The following HELZ variants were observed in gnomAD, a reference collection of about 807,000 sequenced individuals.
The protein encoded by HELZ is ATP-dependent RNA helicase with zinc finger domain.
HELZ carries 23 observed loss-of-function variants against 218.2 expected under a neutral mutation model. That is an observed-to-expected ratio of 0.11 (90% CI 0.08 to 0.15). The LOEUF (loss-of-function observed/expected upper bound fraction) is 0.15. Among genes scored for constraint, HELZ ranks in the 10% least tolerant of loss-of-function variants. The pLI, the probability that HELZ is intolerant of heterozygous loss-of-function variation, is 1.00. For missense variants in HELZ, 1,813 were observed against 2,353.7 expected, an observed-to-expected ratio of 0.77 and a Z score of 4.75; for synonymous variants, 814 against 829.4, an observed-to-expected ratio of 0.98 and a Z score of 0.32.
chr17:67,112,664 G>A (rs1201368286), intron 28 of HELZ, among the ~76,000 whole-genome samples: 1 of 152,204 alleles, frequency 6.6e-6, no homozygotes, highest in East Asian at 1.9e-4. Flanking sequence ...ACTAGGCTGA[G>A]GTTGGAGATA....
In HELZ at chr17:67,074,855, T is replaced by C. The variant is rs1365185714; in HGVS notation, c.*3397A>G. 2.0e-5 allele frequency: 3 copies of C among 150,836 alleles called. No individual in the cohort carries two copies. The highest frequency in any genetic ancestry group is 2.0e-4 in the Admixed American group (3 of 15,172). The allele number at this position is 150,836 out of a possible 1,614,324, so 9.3% of individuals were successfully genotyped here. On this transcript the variant is annotated 3_prime_UTR_variant, in exon 33 of 33. Transcript: ENST00000358691. Reference sequence around the variant, plus strand: ...AACCTAAACTTATTCTAAAATCTGATGATTTAAAAAAAAAAAAAATCTACA... The same window carrying C: ...AACCTAAACTTATTCTAAAATCTGACGATTTAAAAAAAAAAAAAATCTACA...
rs147275333 is a variant in HELZ at position 67,107,119 on chromosome 17, A to T, written c.5241+50T>A. 6.2e-5 allele frequency: 92 copies of T among 1,473,660 alleles called. 1 individual carries two copies. The highest frequency in any genetic ancestry group is 2.0e-4 in the South Asian group (15 of 76,680). 91.3% of individuals were successfully genotyped at this position (1,473,660 alleles called of 1,614,324 possible). A position where few individuals can be genotyped will look rare whatever the true frequency, so the allele number is the denominator to read the frequency against. On this transcript the variant is annotated intron_variant, in intron 31 of 32. Transcript: ENST00000358691. ...CCTATTATCAAATCAATAAATACTG[A>T]TATTTTTCACAATCAGCTAATAACA...
At chr17:67,244,484 G>T in intron 1 of HELZ, 1 of 469,288 alleles carries the variant, frequency 2.1e-6, no homozygotes, top group Non-Finnish European at 2.8e-6. Flanking sequence ...CCCTTGAAAA[G>T]GGTACTGGAG....
At chr17:67,210,924 AG>A (rs2040433691) in intron 5 of HELZ, among the ~76,000 whole-genome samples, 1 of 152,236 alleles carries the variant, frequency 6.6e-6, no homozygotes, top group African/African-American at 2.4e-5. Context: ...CAAAAAAAAA[AG>A]TAAGTTTCCT....
At chr17:67,230,588 T>A (rs1598468447) in intron 3 of HELZ, among the ~76,000 whole-genome samples, 1 of 62,466 alleles carries the variant, frequency 1.6e-5, no homozygotes, top group East Asian at 4.6e-4. Flanking sequence ...AGAGTGAGAC[T>A]CCATCTCAAA....
chr17:67,188,268 GA>G lies in HELZ; in HGVS notation c.1162+50del, dbSNP rs1555619615. On this transcript the variant is annotated intron_variant, in intron 12 of 32. Coordinates refer to ENST00000358691, the MANE Select transcript of HELZ (RefSeq NM_014877.4). The surrounding 1 kb of genome is among the most constrained non-coding windows in gnomAD (Gnocchi z 4.1). ...TATTCAGGGGCCAATACATATCTTT[GA>G]ATGTTGCTTTTTAACACATTGTATC... is the stretch of plus-strand genomic sequence containing the variant. 10 of 1,503,434 alleles carry G rather than the reference GA, an allele frequency of 6.7e-6. No homozygotes were observed. The highest frequency in any genetic ancestry group is 9.1e-6 in the Non-Finnish European group (10 of 1,102,318). The allele number at this position is 1,503,434 out of a possible 1,614,324, so 93.1% of individuals were successfully genotyped here. A position where few individuals can be genotyped will look rare whatever the true frequency, so the allele number is the denominator to read the frequency against.
rs2036050825 is a variant in HELZ, at chr17:67,077,557, A to T, written c.*695T>A. 6.6e-6 allele frequency: 1 copy of T among 152,478 alleles called. No individual in the cohort carries two copies. Among genetic ancestry groups the T allele is most frequent in the Non-Finnish European group, 1.5e-5 (1 of 68,004 alleles). 9.4% of individuals were successfully genotyped at this position (152,478 alleles called of 1,614,324 possible). ...TGAAGTGTAGCTTGTCCAAAAAATA[A>T]CTAAGTATGCCAACGTTTTTTTCAC... On this transcript the variant is annotated 3_prime_UTR_variant, in exon 33 of 33. Transcript: ENST00000358691.
chr17:67,072,127 G>C lies in HELZ; in HGVS notation c.*6125C>G, dbSNP rs2035904884. On this transcript the variant is annotated 3_prime_UTR_variant, in exon 33 of 33. Transcript: ENST00000358691. Reference sequence around the variant, plus strand: ...CGAGGCGGGCAGATCATGAGGTCAAGAGATGGAGACCATCCTGGCCAACAC... The same window carrying C: ...CGAGGCGGGCAGATCATGAGGTCAACAGATGGAGACCATCCTGGCCAACAC... 6.5e-6 allele frequency: 1 copy of C among 152,682 alleles called. No individual in the cohort carries two copies. The highest frequency in any genetic ancestry group is 1.9e-4 in the East Asian group (1 of 5,176). 9.5% of individuals were successfully genotyped at this position (152,682 alleles called of 1,614,324 possible). A position where few individuals can be genotyped will look rare whatever the true frequency, so the allele number is the denominator to read the frequency against.
intron 13 of HELZ, among the ~76,000 whole-genome samples, chr17:67,178,424 G>T (rs763459965): frequency 6.6e-6 from 1 of 152,152 alleles, no homozygotes; most frequent in African/African-American, 2.4e-5. Flanking sequence ...TCCCCTAATA[G>T]ATGTTTAATA....
At chr17:67,235,909 T>C (rs573476334) in intron 3 of HELZ, among the ~76,000 whole-genome samples, 270 of 152,090 alleles carry the variant, frequency 1.8e-3, no homozygotes, top group African/African-American at 6.0e-3. Context: ...TACAGGCACC[T>C]GCCACCACGC....
rs1359248803 is a variant in HELZ, at chr17:67,078,528, C to T, written c.5553G>A (p.Val1851=). 2.6e-6 allele frequency: 4 copies of T among 1,513,026 alleles called. No individual in the cohort carries two copies. Among genetic ancestry groups the T allele is most frequent in the African/African-American group, 1.4e-5 (1 of 71,186 alleles). 93.7% of individuals were successfully genotyped at this position (1,513,026 alleles called of 1,614,324 possible). A position where few individuals can be genotyped will look rare whatever the true frequency, so the allele number is the denominator to read the frequency against. The change falls in exon 33 of 33, where the codon GTG becomes GTA. Residue 1851 remains valine, a synonymous_variant. Coordinates refer to ENST00000358691, the MANE Select transcript of HELZ (RefSeq NM_014877.4). Reference sequence around the variant, plus strand: ...GCACACTGTAGTTGAAGGAACTGGACACCTCGAGGTTCTCCGACTTCAGTT... The same window carrying T: ...GCACACTGTAGTTGAAGGAACTGGATACCTCGAGGTTCTCCGACTTCAGTT... ...EDQLKSENLE[V]SSSFNYSVLQ...
At chr17:67,146,532 T>C (rs990443925) in intron 20 of HELZ, among the ~76,000 whole-genome samples, 5 of 152,146 alleles carry the variant, frequency 3.3e-5, no homozygotes, top group Admixed American at 6.5e-5. Flanking sequence ...ATGACACATT[T>C]CTCAGAATGT....
Position 67,235,819 on chromosome 17 carries a change from A to T in HELZ, c.-19+3614T>A, listed in dbSNP as rs1345555274. Among the ~76,000 whole-genome samples the T allele has an allele frequency of 2.4e-5, 3 of 124,040 alleles. 1 individual carries two copies. The South Asian group carries it at 7.2e-4, about 30-fold the overall frequency. 81.4% of individuals were successfully genotyped at this position (124,040 alleles called of 152,430 possible). On this transcript the variant is annotated intron_variant, in intron 3 of 32. Transcript: ENST00000358691. ...TGCCCAGGCTGTACGCAGTGGTGCT[A>T]TCTCTATCTCGGCTCACTGCAAGCT...
rs562479647 is a variant in HELZ at position 67,168,137 on chromosome 17, C to T, written c.1431-341G>A. On this transcript the variant is annotated intron_variant, in intron 13 of 32. Coordinates refer to ENST00000358691, the MANE Select transcript of HELZ (RefSeq NM_014877.4). ...GCTGGGATTACAGATGCCCACCACG[C>T]CCGGCTAATTTTTGTATTTTTAGTA... Among the ~76,000 whole-genome samples, 90 of 152,126 alleles carry T rather than the reference C, an allele frequency of 5.9e-4. 3 individuals carry two copies. In the South Asian group the frequency reaches 0.018, roughly 31 times the overall value.
At chr17:67,095,074 C>A (rs974243884) in intron 31 of HELZ, among the ~76,000 whole-genome samples, 1 of 152,158 alleles carries the variant, frequency 6.6e-6, no homozygotes, top group Non-Finnish European at 1.5e-5. Context: ...GAACTTCTTT[C>A]AAAATGGGAG....
rs1016658586 is a variant in HELZ, at chr17:67,087,134, C to T, written c.5242-53G>A. 3.8e-6 allele frequency: 6 copies of T among 1,564,576 alleles called. No homozygotes were observed. In the East Asian group the frequency reaches 1.3e-4, roughly 35 times the overall value. On this transcript the variant is annotated intron_variant, in intron 31 of 32. Transcript: ENST00000358691. Reference sequence around the variant, plus strand: ...AATCAGTGCACCTTGTGCCATAGTCCTCTCTCTTTTCACTCCATAGCAATA... The same window carrying T: ...AATCAGTGCACCTTGTGCCATAGTCTTCTCTCTTTTCACTCCATAGCAATA...
At chr17:67,168,616 A>T (rs1270598285) in intron 13 of HELZ, among the ~76,000 whole-genome samples, 1 of 152,222 alleles carries the variant, frequency 6.6e-6, no homozygotes, top group Non-Finnish European at 1.5e-5. Context: ...AATAACATTT[A>T]AAATAAATTT....
Position 67,160,993 on chromosome 17 carries a change from T to C in HELZ, c.1979A>G (p.Gln660Arg), listed in dbSNP as rs1598345600. The change falls in exon 16 of 33, where the codon CAG becomes CGG. Residue 660 changes from glutamine (Q) to arginine (R), a missense_variant. Gln to Arg is a conservative substitution (Grantham distance 43, BLOSUM62 1). Transcript: ENST00000358691. Reference protein sequence around the residue: ...VLAITTPLAIQLPPVLIIGPY... With the variant: ...VLAITTPLAIRLPPVLIIGPY... Reference sequence around the variant, plus strand: ...TCCGATGATAAGCACAGGCGGCAGCTGGATTGCAAGTGGAGTGGTAATGGC... The same window carrying C: ...TCCGATGATAAGCACAGGCGGCAGCCGGATTGCAAGTGGAGTGGTAATGGC... The C allele has an allele frequency of 6.2e-7, 1 of 1,613,998 alleles. No homozygotes were observed. The highest frequency in any genetic ancestry group is 8.5e-7 in the Non-Finnish European group (1 of 1,179,894).
At chr17:67,154,801 T>C (rs1436523361) in intron 17 of HELZ, among the ~76,000 whole-genome samples, 1 of 152,230 alleles carries the variant, frequency 6.6e-6, no homozygotes, top group East Asian at 1.9e-4. Flanking sequence ...AGAAGAATTA[T>C]AACCTCTATA....
Sources: allele counts gnomAD v4.1 joint callset (sites outside exome capture counted in the v4.1 genomes callset), GRCh38; gene constraint gnomAD v4.1.1; non-coding constraint Gnocchi (gnomAD v3.1); transcripts MANE v1.5; gene names NCBI Gene and HGNC (gene_info 2026-07-23, HGNC 2026-07-21).